The following TMEM108 variants were observed in gnomAD, a reference collection of about 807,000 sequenced individuals.
The protein encoded by TMEM108 is cancer/testis antigen 124.
TMEM108 carries 12 observed loss-of-function variants against 35.1 expected under a neutral mutation model. That is an observed-to-expected ratio of 0.34 (90% confidence interval 0.22 to 0.55). The LOEUF (loss-of-function observed/expected upper bound fraction) is 0.55. Ranked by LOEUF, TMEM108 falls within the 20% of genes least tolerant of loss-of-function variation. TMEM108 has a pLI of 0.89. For synonymous variants in TMEM108, 287 were observed against 308.6 expected (o/e 0.93, Z 0.73); for missense variants, 680 against 753.3 (o/e 0.90, Z 1.14).
At position 133,380,526 on chromosome 3, in the gene TMEM108, G is replaced by A; in HGVS notation, c.815G>A (p.Gly272Glu). 6.2e-7 allele frequency: 1 copy of A among 1,613,904 alleles called. No individual in the cohort carries two copies. Among genetic ancestry groups the A allele is most frequent in the Non-Finnish European group, 8.5e-7 (1 of 1,179,960 alleles). ...TGGGCACCCACCACCACCTCCCTGG[G>A]GCCTGCAAAGGACAAGCCAGGCCTT... ...TSWAPTTTSL[G>E]PAKDKPGLRR... Residue 272 changes from glycine (G) to glutamate (E), a missense_variant, in exon 4 of 6, where the codon GGG (glycine) becomes GAG (glutamate). Physicochemically the swap from Gly to Glu is moderately conservative, Grantham distance 98. Around this residue, in one of 3 missense-constraint regions of TMEM108, gnomAD observed 526 missense variants for 532.1 expected, o/e 0.99. Transcript: ENST00000321871. This position sits in a 1 kb window ranked among gnomAD's most constrained non-coding sequence, Gnocchi z 5.3.
intron 1 of TMEM108, among the ~76,000 whole-genome samples, chr3:133,040,206 G>GTTTTTT (rs375124979): frequency 1.5e-5 from 2 of 129,944 alleles, no homozygotes; most frequent in Non-Finnish European, 3.1e-5. Context: ...TTGTTTGTTT[G>GTTTTTT]TTTTTTTTTT....
chr3:133,391,837 G>A (rs2699882), intron 5 of TMEM108, among the ~76,000 whole-genome samples: 49,785 of 152,098 alleles, frequency 0.33, 8,978 homozygotes, highest in East Asian at 0.42. Context: ...CTCCTGTCAC[G>A]TGGTCTTAGC....
chr3:133,127,418 G>A (rs1263399245), intron 2 of TMEM108, among the ~76,000 whole-genome samples: 2 of 152,204 alleles, frequency 1.3e-5, no homozygotes, highest in Admixed American at 6.5e-5. Context: ...TGGAAGACCT[G>A]TGTGAGAACT....
chr3:133,172,716 C>T (rs1031672309), intron 2 of TMEM108, among the ~76,000 whole-genome samples: 1 of 152,146 alleles, frequency 6.6e-6, no homozygotes, highest in African/African-American at 2.4e-5. Context: ...AAAGGACTTG[C>T]AATCTGATTT....
Position 133,178,606 on chromosome 3 carries a change from A to G in TMEM108, c.-46-50660A>G, listed in dbSNP as rs557565989. 4.6e-5 allele frequency among the ~76,000 whole-genome samples: 7 copies of G among 152,358 alleles called. No individual in the cohort carries two copies. The South Asian group carries it at 1.4e-3, about 32-fold the overall frequency. On this transcript the variant is annotated intron_variant, in intron 2 of 5. Coordinates refer to ENST00000321871, the MANE Select transcript of TMEM108 (RefSeq NM_023943.4). ...GGTTCTGGGAAAACTGGCTAGCCAT[A>G]TGTAGAAAGCTGAAACTGGATCCCT... is the stretch of plus-strand genomic sequence containing the variant.
intron 2 of TMEM108, among the ~76,000 whole-genome samples, chr3:133,063,330 G>T (rs377473019): frequency 1.3e-5 from 2 of 152,138 alleles, no homozygotes; most frequent in African/African-American, 4.8e-5. Flanking sequence ...GGGCAATATA[G>T]TCTGATTTTG....
intron 3 of TMEM108, among the ~76,000 whole-genome samples, chr3:133,243,079 G>T (rs12489235): frequency 0.12 from 18,281 of 152,234 alleles, 1,504 homozygotes; most frequent in East Asian, 0.38. Context: ...CCTGGAAGCA[G>T]TGGAAGATGA....
chr3:133,381,706 C>T (rs2107844343), intron 4 of TMEM108, among the ~76,000 whole-genome samples: 1 of 152,318 alleles, frequency 6.6e-6, no homozygotes, highest in East Asian at 1.9e-4. Flanking sequence ...TTTCTCTCCT[C>T]CTGCCCCTCT....
At chr3:133,181,724 T>C (rs1479651021) in intron 2 of TMEM108, among the ~76,000 whole-genome samples, 1 of 152,210 alleles carries the variant, frequency 6.6e-6, no homozygotes, top group Non-Finnish European at 1.5e-5. Context: ...GCACAAATTT[T>C]AGTTAAACCG....
At chr3:133,181,008 TAAAAAAAAAAAAAAAA>T (rs369228472) in intron 2 of TMEM108, among the ~76,000 whole-genome samples, 8 of 75,866 alleles carry the variant, frequency 1.1e-4, no homozygotes, top group Non-Finnish European at 5.0e-5. Context: ...GCAGTTGTGT[TAAAAAAAAAAAAAAAA>T]AAAAAAAAAA....
At chr3:133,079,447 T>A (rs1376584153) in intron 2 of TMEM108, among the ~76,000 whole-genome samples, 2 of 152,160 alleles carry the variant, frequency 1.3e-5, no homozygotes, top group African/African-American at 2.4e-5. Context: ...AGGCTGGAAG[T>A]CCAAGATCAA....
chr3:133,071,964 G>A (rs1464620369), intron 2 of TMEM108, among the ~76,000 whole-genome samples: 1 of 152,074 alleles, frequency 6.6e-6, no homozygotes, highest in Non-Finnish European at 1.5e-5. Flanking sequence ...CTGACATTTA[G>A]GTCTTTAATC....
At chr3:133,049,886 G>T (rs1226117859) in intron 2 of TMEM108, among the ~76,000 whole-genome samples, 1 of 152,090 alleles carries the variant, frequency 6.6e-6, no homozygotes, top group Non-Finnish European at 1.5e-5. Flanking sequence ...TCATAAGAGG[G>T]TATTAATACT....
intron 3 of TMEM108, among the ~76,000 whole-genome samples, chr3:133,287,667 ATATACT>A (rs539432156): frequency 1.3e-5 from 2 of 152,350 alleles, no homozygotes; most frequent in Admixed American, 1.3e-4. Flanking sequence ...ATCTTCTAAG[ATATACT>A]TATCACCTAA....
chr3:133,059,795 T>A (rs933681347), intron 2 of TMEM108, among the ~76,000 whole-genome samples: 7 of 152,216 alleles, frequency 4.6e-5, no homozygotes, highest in Admixed American at 4.6e-4. Flanking sequence ...TCTAGTTGTT[T>A]AATGCATTTT....
intron 4 of TMEM108, among the ~76,000 whole-genome samples, chr3:133,382,117 C>A (rs1255075338): frequency 2.0e-5 from 3 of 152,152 alleles, no homozygotes; most frequent in African/African-American, 7.2e-5. Flanking sequence ...TCTCTGATAG[C>A]CTTGCAGGAA....
chr3:133,050,679 G>A (rs996409672), intron 2 of TMEM108, among the ~76,000 whole-genome samples: 1 of 149,938 alleles, frequency 6.7e-6, no homozygotes, highest in African/African-American at 2.5e-5. Context: ...CCACCCCTTT[G>A]CCCTTCACTA....
At chr3:133,219,617 G>A (rs1447353439) in intron 2 of TMEM108, among the ~76,000 whole-genome samples, 5 of 151,982 alleles carry the variant, frequency 3.3e-5, no homozygotes, top group Non-Finnish European at 5.9e-5. Flanking sequence ...GGGGCATGTT[G>A]TTTAATTTCT....
chr3:133,279,383 C>T (rs1946881794), intron 3 of TMEM108, among the ~76,000 whole-genome samples: 1 of 152,118 alleles, frequency 6.6e-6, no homozygotes, highest in African/African-American at 2.4e-5. Flanking sequence ...AAGACATAAC[C>T]CAAGGTCACT....
Sources: allele counts gnomAD v4.1 joint callset (sites outside exome capture counted in the v4.1 genomes callset), GRCh38; gene constraint gnomAD v4.1.1; regional missense constraint gnomAD v4.1.1; non-coding constraint Gnocchi (gnomAD v3.1); transcripts MANE v1.5; gene names NCBI Gene and HGNC (gene_info 2026-07-23, HGNC 2026-07-21).